The following CHL1 variants were observed in gnomAD, a reference collection of about 807,000 sequenced individuals.
The protein encoded by CHL1 is cell adhesion molecule L1 like, also known as neural cell adhesion molecule L1-like protein.
A neutral mutation model predicts 141.9 loss-of-function variants in CHL1; 96 were observed. The ratio of observed to expected loss-of-function variants is 0.68; its 90% CI spans 0.57 to 0.80. The LOEUF (loss-of-function observed/expected upper bound fraction) is 0.80, where lower values mean the gene tolerates loss of function less well. CHL1 is among the 30% of genes least tolerant of loss of function. The probability of loss-of-function intolerance (pLI) is 0.00; values close to 1 mark genes in which losing one functional copy is unlikely to be tolerated. For missense variants in CHL1, 1,820 were observed against 1,457.2 expected, an observed-to-expected ratio of 1.25 and a Z score of -4.05; for synonymous variants, 613 against 502.2, an observed-to-expected ratio of 1.22 and a Z score of -2.95.
intron 14 of CHL1, among the ~76,000 whole-genome samples, chr3:365,250 A>C (rs998427882): frequency 1.3e-5 from 2 of 152,248 alleles, no homozygotes; most frequent in African/African-American, 4.8e-5. Flanking sequence ...GTTTTGAAAC[A>C]ATCATAATGA....
At chr3:358,989 T>C (rs937532280) in intron 11 of CHL1, among the ~76,000 whole-genome samples, 1 of 146,056 alleles carries the variant, frequency 6.8e-6, no homozygotes, top group Non-Finnish European at 1.5e-5. Flanking sequence ...ATATATATAT[T>C]ATATACGGAT....
intron 2 of CHL1, among the ~76,000 whole-genome samples, chr3:311,681 T>C (rs1338334344): frequency 6.6e-6 from 1 of 152,178 alleles, no homozygotes; most frequent in Non-Finnish European, 1.5e-5. Context: ...GGAGTGAAGC[T>C]AGTGGAATGT....
intron 2 of CHL1, among the ~76,000 whole-genome samples, chr3:272,610 T>C (rs544148186): frequency 1.2e-4 from 19 of 152,216 alleles, no homozygotes; most frequent in African/African-American, 4.3e-4. Context: ...GAATTTTAGA[T>C]CTTACAATTA....
rs183488362 is a variant in CHL1, at chr3:390,056, G to A, written c.2470+582G>A. Among the ~76,000 whole-genome samples the A allele has an allele frequency of 1.6e-3, 242 of 152,268 alleles. 1 individual carries two copies. Among genetic ancestry groups the A allele is most frequent in the African/African-American group, 5.7e-3 (235 of 41,536 alleles). On this transcript the variant is annotated intron_variant, in intron 20 of 27. Transcript: ENST00000256509. ...AGGGGTTATTCTCATTGCCTTTCCAGCATCTAAAGGAATAATTTGATCCAA... is the reference window on the plus strand; with the variant it reads ...AGGGGTTATTCTCATTGCCTTTCCAACATCTAAAGGAATAATTTGATCCAA...
At chr3:232,376 C>T (rs1165805386) in intron 1 of CHL1, among the ~76,000 whole-genome samples, 1 of 152,122 alleles carries the variant, frequency 6.6e-6, no homozygotes, top group Non-Finnish European at 1.5e-5. Context: ...TTCTACCTTG[C>T]ACTTTACAAT....
intron 1 of CHL1, among the ~76,000 whole-genome samples, chr3:217,872 G>T (rs1700460162): frequency 6.6e-6 from 1 of 152,190 alleles, no homozygotes; most frequent in African/African-American, 2.4e-5. Context: ...GCTGTTGCAT[G>T]CAGAGTAGAT....
intron 2 of CHL1, among the ~76,000 whole-genome samples, chr3:282,008 T>C (rs1696704340): frequency 6.6e-6 from 1 of 152,278 alleles, no homozygotes; most frequent in African/African-American, 2.4e-5. Flanking sequence ...TTATGTCTTA[T>C]ATAATTACTG....
In CHL1 at chr3:328,271, C is replaced by T. The variant is rs759090031; in HGVS notation, c.302C>T (p.Ser101Phe). 3.1e-6 allele frequency: 5 copies of T among 1,612,486 alleles called. No individual in the cohort carries two copies. The African/African-American group carries it at 6.7e-5, about 22-fold the overall frequency. ...TFRIPNEGHI[S>F]HFQGKYRCFA... ...AGGATCCCAAACGAGGGGCACATAT[C>T]TCACTTTCAAGGGAAATACCGCTGC... is the stretch of plus-strand genomic sequence containing the variant. The change falls in exon 5 of 28, where the codon TCT (serine) becomes TTT (phenylalanine). Residue 101 changes from serine to phenylalanine, a missense_variant. Ser to Phe is a radical substitution (Grantham distance 155, BLOSUM62 -2). Coordinates refer to ENST00000256509, the MANE Select transcript of CHL1 (RefSeq NM_006614.4).
At chr3:325,430 C>G (rs1397401987) in intron 3 of CHL1, among the ~76,000 whole-genome samples, 2 of 149,512 alleles carry the variant, frequency 1.3e-5, no homozygotes, top group Non-Finnish European at 3.0e-5. Flanking sequence ...ACTCAAAATT[C>G]CTATTGAAAT....
At chr3:206,199 G>A (rs946780560) in intron 1 of CHL1, among the ~76,000 whole-genome samples, 2 of 152,212 alleles carry the variant, frequency 1.3e-5, no homozygotes, top group African/African-American at 4.8e-5. Flanking sequence ...CAGAGGTGGT[G>A]GTGCAAGCCT....
At chr3:227,737 T>C (rs763173508) in intron 1 of CHL1, among the ~76,000 whole-genome samples, 2 of 152,210 alleles carry the variant, frequency 1.3e-5, no homozygotes, top group African/African-American at 2.4e-5. Context: ...ATGGAGTTCC[T>C]TCTTGATGCC....
Position 267,134 on chromosome 3 carries a change from G to C in CHL1, c.-95+22442G>C, listed in dbSNP as rs569039509. Among the ~76,000 whole-genome samples, 349 of 152,162 alleles carry C rather than the reference G, an allele frequency of 2.3e-3. 2 individuals carry two copies. The Middle Eastern group carries it at 0.024, about 10-fold the overall frequency. On this transcript the variant is annotated intron_variant, in intron 2 of 27. Coordinates refer to ENST00000256509, the MANE Select transcript of CHL1 (RefSeq NM_006614.4). ...AGGGACCCTACGCTCTATTTACTTT[G>C]TGCTCTTTCACAGTACACCATAGGA...
At chr3:334,447 C>T (rs1701702240) in intron 5 of CHL1, among the ~76,000 whole-genome samples, 1 of 151,976 alleles carries the variant, frequency 6.6e-6, no homozygotes, top group Admixed American at 6.6e-5. Flanking sequence ...CTCTCTGTTC[C>T]CATCTCCAGG....
intron 11 of CHL1, among the ~76,000 whole-genome samples, chr3:358,136 G>A (rs1703880446): frequency 6.6e-6 from 1 of 152,138 alleles, no homozygotes; most frequent in African/African-American, 2.4e-5. Flanking sequence ...TTACATTTCT[G>A]TAAAAGTCCA....
intron 2 of CHL1, among the ~76,000 whole-genome samples, chr3:262,054 C>A (rs61681880): frequency 5.1e-3 from 1 of 198 alleles, no homozygotes; most frequent in African/African-American, 0.17. Flanking sequence ...AGGATTCACA[C>A]GTTTAAGCCT....
chr3:259,191 G>C (rs899993998), intron 2 of CHL1, among the ~76,000 whole-genome samples: 3 of 152,034 alleles, frequency 2.0e-5, no homozygotes, highest in African/African-American at 7.2e-5. Context: ...AAAATGCTGG[G>C]ATTACAGGCT....
intron 23 of CHL1, among the ~76,000 whole-genome samples, chr3:393,902 A>G (rs1320299268): frequency 1.3e-5 from 2 of 152,194 alleles, no homozygotes; most frequent in African/African-American, 4.8e-5. Flanking sequence ...TCAATAATAA[A>G]TGCATTTTTT....
At chr3:259,201 T>A (rs6808502) in intron 2 of CHL1, among the ~76,000 whole-genome samples, 8,306 of 152,096 alleles carry the variant, frequency 0.055, 726 homozygotes, top group African/African-American at 0.19. Flanking sequence ...GATTACAGGC[T>A]TGAGCCACAA....
At chr3:337,644 G>A (rs1293703905) in intron 5 of CHL1, among the ~76,000 whole-genome samples, 1 of 151,016 alleles carries the variant, frequency 6.6e-6, no homozygotes, top group East Asian at 2.0e-4. Context: ...GCGATAATTT[G>A]CTGATAATGA....
Sources: gnomAD v4.1 joint callset for allele counts (sites outside exome capture counted in the v4.1 genomes callset) on GRCh38, gnomAD v4.1.1 for gene constraint, MANE v1.5 for transcripts, NCBI Gene and HGNC (gene_info 2026-07-23, HGNC 2026-07-21) for gene names.